Variants in TRAPPC9 observed in about 807,000 individuals in gnomAD.
The protein encoded by TRAPPC9 is trafficking protein particle complex subunit 9, also known as IKK2 binding protein.
In TRAPPC9, 83 loss-of-function variants were observed where a neutral mutation model predicts 124.0. That is an observed-to-expected ratio of 0.67 (90% CI 0.56 to 0.80). TRAPPC9 has a LOEUF of 0.80. Ranked by LOEUF, TRAPPC9 falls within the 30% of genes least tolerant of loss-of-function variation. The pLI, the probability that TRAPPC9 is intolerant of heterozygous loss-of-function variation, is 0.00. For synonymous variants in TRAPPC9, 638 were observed against 617.5 expected (o/e 1.03, Z -0.49); for missense variants, 1,302 against 1,508.3 (o/e 0.86, Z 2.27).
chr8:140,243,120 G>A (rs543400032), intron 16 of TRAPPC9, among the ~76,000 whole-genome samples: 13 of 152,324 alleles, frequency 8.5e-5, no homozygotes, highest in Admixed American at 4.6e-4. Context: ...AAGGGATGTC[G>A]AAGAGCTGGG....
At chr8:139,750,667 T>C (rs1819251852) in intron 21 of TRAPPC9, among the ~76,000 whole-genome samples, 1 of 152,136 alleles carries the variant, frequency 6.6e-6, no homozygotes, top group South Asian at 2.1e-4. Flanking sequence ...CCAAAGACCA[T>C]GCGGCTTCTC....
rs117983317 is a variant in TRAPPC9, at chr8:140,043,554, T to A, written c.2557-19475A>T. Among the ~76,000 whole-genome samples the A allele has an allele frequency of 2.0e-5, 3 of 152,324 alleles. No individual in the cohort carries two copies. In the East Asian group the frequency reaches 5.8e-4, roughly 29 times the overall value. ...CCCAGCCGACCATCCTGAGGCCTGATGGGTCAGTGTCATAACTCTTGAGAT... is the reference window on the plus strand; with the variant it reads ...CCCAGCCGACCATCCTGAGGCCTGAAGGGTCAGTGTCATAACTCTTGAGAT... On this transcript the variant is annotated intron_variant, in intron 17 of 22. Coordinates refer to ENST00000438773, the MANE Select transcript of TRAPPC9 (RefSeq NM_001160372.4).
At chr8:140,323,487 C>T (rs895520296) in intron 9 of TRAPPC9, among the ~76,000 whole-genome samples, 2 of 152,102 alleles carry the variant, frequency 1.3e-5, no homozygotes, top group African/African-American at 2.4e-5. Flanking sequence ...TGGAACTGGA[C>T]TCTCAATCTG....
At chr8:140,423,159 G>T (rs1184653227) in intron 5 of TRAPPC9, among the ~76,000 whole-genome samples, 1 of 152,114 alleles carries the variant, frequency 6.6e-6, no homozygotes, top group Admixed American at 6.6e-5. Flanking sequence ...AAACATATGG[G>T]CCAGGCACAG....
At chr8:140,393,267 G>A (rs2068985133) in intron 7 of TRAPPC9, among the ~76,000 whole-genome samples, 2 of 151,802 alleles carry the variant, frequency 1.3e-5, no homozygotes, top group South Asian at 4.1e-4. Context: ...TTGGAAACAG[G>A]CTAATGAGGT....
At chr8:140,127,676 T>A (rs1296601585) in intron 17 of TRAPPC9, among the ~76,000 whole-genome samples, 1 of 152,248 alleles carries the variant, frequency 6.6e-6, no homozygotes, top group Non-Finnish European at 1.5e-5. Context: ...AATAATTTCA[T>A]TTTATCAACA....
intron 18 of TRAPPC9, among the ~76,000 whole-genome samples, chr8:140,005,240 A>G (rs1838672356): frequency 6.6e-6 from 1 of 152,110 alleles, no homozygotes; most frequent in South Asian, 2.1e-4. Context: ...AGCTCTAGAT[A>G]AGACTCAATG....
intron 17 of TRAPPC9, among the ~76,000 whole-genome samples, chr8:140,217,013 A>AT: frequency 6.6e-6 from 1 of 152,126 alleles, no homozygotes; most frequent in Non-Finnish European, 1.5e-5. Context: ...ACTGGCTTGT[A>AT]TGACAGCCCC....
At chr8:139,805,814 A>C (rs758405850) in intron 21 of TRAPPC9, among the ~76,000 whole-genome samples, 3 of 152,224 alleles carry the variant, frequency 2.0e-5, no homozygotes, top group Admixed American at 6.5e-5. Context: ...CAGAACGAAG[A>C]AGGAGGGCTC....
rs116773171 is a variant in TRAPPC9, at chr8:139,835,489, G to A, written c.3055+50390C>T. 7.2e-3 allele frequency among the ~76,000 whole-genome samples: 1,104 copies of A among 152,300 alleles called. 14 individuals carry two copies. Among genetic ancestry groups the A allele is most frequent in the African/African-American group, 0.023 (959 of 41,558 alleles). Reference sequence around the variant, plus strand: ...TCGCCCGTGCTGTGCGTGGATGCACGGATGGATGTCTAATATCTATTCATC... The same window carrying A: ...TCGCCCGTGCTGTGCGTGGATGCACAGATGGATGTCTAATATCTATTCATC... On this transcript the variant is annotated intron_variant, in intron 21 of 22. Coordinates refer to ENST00000438773, the MANE Select transcript of TRAPPC9 (RefSeq NM_001160372.4).
intron 17 of TRAPPC9, among the ~76,000 whole-genome samples, chr8:140,117,650 C>T (rs796138045): frequency 4.6e-5 from 7 of 152,170 alleles, no homozygotes; most frequent in African/African-American, 1.7e-4. Flanking sequence ...TAAATCTCAA[C>T]GTGAGTTTTG....
At position 140,169,337 on chromosome 8, in the gene TRAPPC9, C is replaced by A. The variant is rs148838116; in HGVS notation, c.2556+52122G>T. ...ATTCAGAACCCTCGCGCATGACTGG[C>A]GGAAATGGAAAATGCTTCAGCTGCT... On this transcript the variant is annotated intron_variant, in intron 17 of 22. Coordinates refer to ENST00000438773, the MANE Select transcript of TRAPPC9 (RefSeq NM_001160372.4). 5.7e-4 allele frequency among the ~76,000 whole-genome samples: 86 copies of A among 152,140 alleles called. 3 individuals are homozygous for A. Among genetic ancestry groups the A allele is most frequent in the East Asian group, 5.4e-3 (28 of 5,178 alleles).
intron 17 of TRAPPC9, among the ~76,000 whole-genome samples, chr8:140,146,564 A>T (rs572458506): frequency 9.9e-5 from 15 of 152,078 alleles, no homozygotes; most frequent in South Asian, 4.2e-4. Context: ...TCCATTTTTT[A>T]AAAAAAACAG....
At chr8:139,759,074 G>A (rs1820047413) in intron 21 of TRAPPC9, among the ~76,000 whole-genome samples, 1 of 145,784 alleles carries the variant, frequency 6.9e-6, no homozygotes, top group African/African-American at 2.4e-5. Flanking sequence ...ACTGGTGAGT[G>A]GGCCGGGTGC....
intron 17 of TRAPPC9, among the ~76,000 whole-genome samples, chr8:140,122,987 CATTTTT>C (rs2061016087): frequency 6.6e-6 from 1 of 152,208 alleles, no homozygotes; most frequent in Non-Finnish European, 1.5e-5. Flanking sequence ...GGGTCCTATA[CATTTTT>C]ATTTTTATTT....
intron 19 of TRAPPC9, 118 bp from the exon 20 acceptor site, chr8:139,910,418 T>A: frequency 9.3e-7 from 1 of 1,075,138 alleles, no homozygotes; most frequent in South Asian, 1.3e-5. Flanking sequence ...CGTTAGTAAT[T>A]CATAACGGAT....
At chr8:139,858,526 T>G (rs1827938057) in intron 21 of TRAPPC9, among the ~76,000 whole-genome samples, 1 of 152,212 alleles carries the variant, frequency 6.6e-6, no homozygotes, top group South Asian at 2.1e-4. Flanking sequence ...ACTTTGCAAC[T>G]GACTCACATC....
intron 20 of TRAPPC9, among the ~76,000 whole-genome samples, chr8:139,895,259 C>T (rs1223502450): frequency 1.3e-5 from 2 of 152,066 alleles, no homozygotes; most frequent in Admixed American, 6.5e-5. Context: ...TCCCGCTTTG[C>T]GGTAATATTC....
chr8:140,188,793 C>T (rs912015554), intron 17 of TRAPPC9, among the ~76,000 whole-genome samples: 14 of 152,174 alleles, frequency 9.2e-5, no homozygotes, highest in Admixed American at 6.5e-4. Flanking sequence ...TTCCAAGGAA[C>T]CACACACAAT....
Sources: allele counts gnomAD v4.1 joint callset (sites outside exome capture counted in the v4.1 genomes callset), GRCh38; gene constraint gnomAD v4.1.1; transcripts MANE v1.5; gene names NCBI Gene and HGNC (gene_info 2026-07-23, HGNC 2026-07-21).